The following GALNTL6 variants were observed in gnomAD, a reference collection of about 807,000 sequenced individuals.
GALNTL6 encodes the protein polypeptide N-acetylgalactosaminyltransferase like 6, also known as polypeptide N-acetylgalactosaminyltransferase-like 6.
In GALNTL6, 46 loss-of-function variants were observed where a neutral mutation model predicts 73.7. The ratio of observed to expected loss-of-function variants is 0.62; its 90% CI spans 0.49 to 0.80. GALNTL6 has a LOEUF of 0.80. Among genes scored for constraint, GALNTL6 ranks in the 30% least tolerant of loss-of-function variants. The pLI is 0.00. For synonymous variants in GALNTL6, 259 were observed against 263.7 expected (o/e 0.98, Z 0.17); for missense variants, 604 against 755.0 (o/e 0.80, Z 2.34).
chr4:172,463,595 C>A (rs982498546), intron 5 of GALNTL6, among the ~76,000 whole-genome samples: 1 of 152,112 alleles, frequency 6.6e-6, no homozygotes, highest in Non-Finnish European at 1.5e-5. Flanking sequence ...GATGCAGTAA[C>A]TAGGCTCCTG....
intron 5 of GALNTL6, among the ~76,000 whole-genome samples, chr4:172,720,285 G>A (rs1011712430): frequency 1.3e-5 from 2 of 152,114 alleles, no homozygotes; most frequent in Non-Finnish European, 1.5e-5. Context: ...TTTATTGAGT[G>A]AAAAGGGAAT....
intron 3 of GALNTL6, among the ~76,000 whole-genome samples, chr4:172,279,229 A>G (rs1738943809): frequency 6.6e-6 from 1 of 152,160 alleles, no homozygotes; most frequent in South Asian, 2.1e-4. Context: ...GGACTACATC[A>G]AAATTATAAA....
Position 172,901,339 on chromosome 4 carries a change from T to C in GALNTL6, c.1041+18432T>C, listed in dbSNP as rs150026948. On this transcript the variant is annotated intron_variant, in intron 8 of 12. Transcript: ENST00000506823. ...TGTGTAAAAGGAATCAAAAGAGTTGTAGACAAATATCTCTGTTAAATGGTA... is the reference window on the plus strand; with the variant it reads ...TGTGTAAAAGGAATCAAAAGAGTTGCAGACAAATATCTCTGTTAAATGGTA... Among the ~76,000 whole-genome samples, 5 of 152,292 alleles carry C rather than the reference T, an allele frequency of 3.3e-5. No homozygotes were observed. The East Asian group carries it at 5.8e-4, about 18-fold the overall frequency.
rs10019004 is a variant in GALNTL6 at position 172,489,056 on chromosome 4, C to G, written c.553+140367C>G. Among the ~76,000 whole-genome samples the G allele has an allele frequency of 2.9e-4, 44 of 152,230 alleles. No individual in the cohort carries two copies. In the South Asian group the frequency reaches 8.9e-3, roughly 31 times the overall value. ...GAAATGATGTGTAACTTTGCCAGTT[C>G]GCATTTATACTCAAGCATACCTTAT... On this transcript the variant is annotated intron_variant, in intron 5 of 12. Transcript: ENST00000506823.
chr4:172,370,382 C>T (rs1454432615), intron 5 of GALNTL6, among the ~76,000 whole-genome samples: 3 of 151,998 alleles, frequency 2.0e-5, no homozygotes, highest in South Asian at 2.1e-4. Context: ...TGCCCAACTC[C>T]AGAGGTTGGT....
At chr4:171,864,930 T>C (rs996062431) in intron 2 of GALNTL6, among the ~76,000 whole-genome samples, 7 of 152,184 alleles carry the variant, frequency 4.6e-5, no homozygotes, top group African/African-American at 1.7e-4. Context: ...GAGGTACATA[T>C]AAGCATTATT....
chr4:171,960,688 T>A (rs1220640794), intron 2 of GALNTL6, among the ~76,000 whole-genome samples: 1 of 129,494 alleles, frequency 7.7e-6, no homozygotes, highest in African/African-American at 3.0e-5. Flanking sequence ...TGTCTTTATT[T>A]AAAAAAAAAA....
At chr4:171,959,892 A>AAGTAAGTAACT in intron 2 of GALNTL6, among the ~76,000 whole-genome samples, 4 of 152,250 alleles carry the variant, frequency 2.6e-5, no homozygotes, top group African/African-American at 9.6e-5. Context: ...CCATTTTAGA[A>AAGTAAGTAACT]GACCTTCATA....
At chr4:172,805,430 C>A (rs139021305) in intron 5 of GALNTL6, among the ~76,000 whole-genome samples, 1,685 of 152,156 alleles carry the variant, frequency 0.011, 104 homozygotes, top group Admixed American at 0.095. Context: ...TCTCATTATT[C>A]CCTCACAGTG....
At chr4:173,038,830 A>C (rs1193601890) in intron 12 of GALNTL6, among the ~76,000 whole-genome samples, 2 of 152,218 alleles carry the variant, frequency 1.3e-5, no homozygotes, top group Non-Finnish European at 2.9e-5. Flanking sequence ...GTGCCTGAGA[A>C]ACTCCTAATT....
chr4:172,059,438 A>G (rs1731126138), intron 2 of GALNTL6, among the ~76,000 whole-genome samples: 1 of 152,208 alleles, frequency 6.6e-6, no homozygotes, highest in Non-Finnish European at 1.5e-5. Flanking sequence ...ATGGAATCTC[A>G]AAATGACACA....
At position 171,942,725 on chromosome 4, in the gene GALNTL6, A is replaced by G. The variant is rs560635009; in HGVS notation, c.138+128007A>G. Among the ~76,000 whole-genome samples the G allele has an allele frequency of 5.9e-5, 9 of 152,360 alleles. No individual in the cohort carries two copies. The East Asian group carries it at 1.5e-3, about 26-fold the overall frequency. ...CAAGCCATCTGAGAAAGTTTTCTGCATGCAGCCATCGTAGGATCTATATTG... is the reference window on the plus strand; with the variant it reads ...CAAGCCATCTGAGAAAGTTTTCTGCGTGCAGCCATCGTAGGATCTATATTG... On this transcript the variant is annotated intron_variant, in intron 2 of 12. Coordinates refer to ENST00000506823, the MANE Select transcript of GALNTL6 (RefSeq NM_001034845.3).
At chr4:172,205,888 CTTG>C (rs1736094710) in intron 2 of GALNTL6, among the ~76,000 whole-genome samples, 1 of 152,144 alleles carries the variant, frequency 6.6e-6, no homozygotes, top group South Asian at 2.1e-4. Flanking sequence ...AGTTCTATGC[CTTG>C]TTGTTTTGGC....
chr4:172,860,708 C>T (rs762829950), intron 7 of GALNTL6, among the ~76,000 whole-genome samples: 15 of 152,014 alleles, frequency 9.9e-5, no homozygotes, highest in South Asian at 8.3e-4. Flanking sequence ...ATAATATTTA[C>T]GAGGAAAATA....
chr4:172,744,104 A>G (rs779534848), intron 5 of GALNTL6, among the ~76,000 whole-genome samples: 1 of 149,884 alleles, frequency 6.7e-6, no homozygotes, highest in African/African-American at 2.5e-5. Context: ...TAGAGATTCT[A>G]TCAGTTGCCA....
At chr4:172,384,038 G>GT (rs1161987790) in intron 5 of GALNTL6, among the ~76,000 whole-genome samples, 33 of 152,084 alleles carry the variant, frequency 2.2e-4, no homozygotes, top group African/African-American at 6.7e-4. Flanking sequence ...TTTTATTTGT[G>GT]TATTTATTAG....
chr4:171,873,477 G>A (rs1415881910), intron 2 of GALNTL6, among the ~76,000 whole-genome samples: 1 of 152,182 alleles, frequency 6.6e-6, no homozygotes, highest in African/African-American at 2.4e-5. Context: ...AGTAAAAGCA[G>A]CAGAGGGTAT....
At chr4:172,416,663 A>C (rs990277181) in intron 5 of GALNTL6, among the ~76,000 whole-genome samples, 1 of 152,200 alleles carries the variant, frequency 6.6e-6, no homozygotes, top group South Asian at 2.1e-4. Context: ...ATTTAAATAT[A>C]TAAAAAGTAC....
At chr4:172,082,542 G>C (rs1731910203) in intron 2 of GALNTL6, among the ~76,000 whole-genome samples, 1 of 152,124 alleles carries the variant, frequency 6.6e-6, no homozygotes, top group Non-Finnish European at 1.5e-5. Flanking sequence ...GTATAGGGGA[G>C]AATGTACCTG....
Sources: gnomAD v4.1 joint callset for allele counts (sites outside exome capture counted in the v4.1 genomes callset) on GRCh38, gnomAD v4.1.1 for gene constraint, MANE v1.5 for transcripts, NCBI Gene and HGNC (gene_info 2026-07-23, HGNC 2026-07-21) for gene names.